HDAC8: variants seen among roughly 807,000 people sequenced by gnomAD.
HDAC8 encodes histone deacetylase-like 1.
Under a neutral mutation model 32.2 loss-of-function variants are expected in HDAC8, and 1 was observed. The observed-to-expected ratio is 0.03, with a 90% CI of 0.01 to 0.15. HDAC8 has a LOEUF of 0.15. Among genes scored for constraint, HDAC8 ranks in the 10% least tolerant of loss-of-function variants. The probability of loss-of-function intolerance (pLI) is 1.00; values close to 1 mark genes in which losing one functional copy is unlikely to be tolerated. For synonymous variants in HDAC8, 108 were observed against 113.9 expected (o/e 0.95, Z 0.33); for missense variants, 117 against 300.0 (o/e 0.39, Z 4.51).
chrX:72,542,247 A>C (rs782626382), intron 4 of HDAC8, among the ~76,000 whole-genome samples: 10 of 112,191 alleles, frequency 8.9e-5, no homozygotes, highest in South Asian at 3.7e-4. Context: ...GGGTAGAGTG[A>C]TCCAGCTGAT....
At chrX:72,449,107 G>C (rs2047501549) in intron 9 of HDAC8, among the ~76,000 whole-genome samples, 1 of 112,001 alleles carries the variant, frequency 8.9e-6, no homozygotes, top group African/African-American at 3.2e-5. Flanking sequence ...CTACTATAAA[G>C]ACACATGAAC....
At chrX:72,343,944 T>C (rs2043956777) in intron 10 of HDAC8, among the ~76,000 whole-genome samples, 1 of 113,033 alleles carries the variant, frequency 8.8e-6, no homozygotes, top group African/African-American at 3.2e-5. Flanking sequence ...GTCAGGACTT[T>C]CCATCTTTGC....
intron 9 of HDAC8, among the ~76,000 whole-genome samples, chrX:72,446,256 T>G (rs1355827382): frequency 8.9e-6 from 1 of 112,325 alleles, no homozygotes; most frequent in Non-Finnish European, 1.9e-5. Context: ...TGTGGCAATA[T>G]TCACAATAGC....
At chrX:72,447,047 C>T (rs1220621380) in intron 9 of HDAC8, among the ~76,000 whole-genome samples, 1 of 112,062 alleles carries the variant, frequency 8.9e-6, no homozygotes, top group Non-Finnish European at 1.9e-5. Flanking sequence ...TGAAACTATT[C>T]CAAACAATAG....
At chrX:72,497,723 T>C (rs1340501659) in intron 4 of HDAC8, among the ~76,000 whole-genome samples, 1 of 112,092 alleles carries the variant, frequency 8.9e-6, no homozygotes, top group Non-Finnish European at 1.9e-5. Context: ...ACAAACTTTA[T>C]TTCAACAGTA....
intron 9 of HDAC8, among the ~76,000 whole-genome samples, chrX:72,363,578 T>C (rs782819347): frequency 5.5e-4 from 61 of 111,005 alleles, no homozygotes; most frequent in Non-Finnish European, 1.1e-3. Context: ...TGAACTTTTT[T>C]TTTTTCTTTT....
In HDAC8 at chrX:72,353,989, C is replaced by G. The variant is rs782346343; in HGVS notation, c.1006-2151G>C. Among the ~76,000 whole-genome samples the G allele has an allele frequency of 8.9e-5, 10 of 111,908 alleles. No individual in the cohort carries two copies. The South Asian group carries it at 3.8e-3, about 42-fold the overall frequency. ...ACAACACGTCCTCACTTATGTGTGC[C>G]TATTATGCACTTACCCTCACTCTCC... On this transcript the variant is annotated intron_variant, in intron 9 of 10. Coordinates refer to ENST00000373573, the MANE Select transcript of HDAC8 (RefSeq NM_018486.3).
At chrX:72,479,399 A>G (rs1338210778) in intron 7 of HDAC8, among the ~76,000 whole-genome samples, 3 of 111,276 alleles carry the variant, frequency 2.7e-5, no homozygotes, top group Non-Finnish European at 5.7e-5. Context: ...TTCTTTTCAG[A>G]GCAGAGTTAT....
chrX:72,552,474 G>T (rs2051110726), intron 4 of HDAC8, among the ~76,000 whole-genome samples: 1 of 111,210 alleles, frequency 9.0e-6, no homozygotes, highest in African/African-American at 3.3e-5. Flanking sequence ...AGCCAGGCGT[G>T]GTGGCATGTG....
intron 4 of HDAC8, among the ~76,000 whole-genome samples, chrX:72,498,860 G>A (rs782258091): frequency 9.0e-6 from 1 of 111,383 alleles, no homozygotes; most frequent in East Asian, 2.8e-4. Context: ...GTTGAAATTT[G>A]ATCCCCAGTG....
At chrX:72,560,967 T>TA (rs1161193241) in intron 4 of HDAC8, among the ~76,000 whole-genome samples, 21 of 104,552 alleles carry the variant, frequency 2.0e-4, no homozygotes, top group African/African-American at 5.6e-4. Context: ...CTAATAAAAA[T>TA]AAAAAAAAAA....
intron 9 of HDAC8, among the ~76,000 whole-genome samples, chrX:72,392,808 C>T (rs1052229141): frequency 8.9e-6 from 1 of 111,886 alleles, no homozygotes; most frequent in African/African-American, 3.2e-5. Flanking sequence ...TCTACTTTTA[C>T]TGGAAATACA....
chrX:72,367,357 G>A (rs1180741493), intron 9 of HDAC8, among the ~76,000 whole-genome samples: 3 of 111,998 alleles, frequency 2.7e-5, no homozygotes, highest in Non-Finnish European at 5.6e-5. Flanking sequence ...CCAGCACTGC[G>A]ATCAGGGGCC....
chrX:72,568,290 A>G (rs782689926), intron 3 of HDAC8, among the ~76,000 whole-genome samples: 1 of 112,354 alleles, frequency 8.9e-6, no homozygotes, highest in Non-Finnish European at 1.9e-5. Flanking sequence ...GTCAGTGGTC[A>G]CACAGAGCCA....
chrX:72,486,002 G>C (rs990559349), intron 7 of HDAC8, among the ~76,000 whole-genome samples: 7 of 110,844 alleles, frequency 6.3e-5, no homozygotes, highest in Non-Finnish European at 1.3e-4. Flanking sequence ...GGCGCCTGTA[G>C]TCCCAGCTAC....
chrX:72,448,007 G>T (rs2047462023), intron 9 of HDAC8, among the ~76,000 whole-genome samples: 1 of 112,022 alleles, frequency 8.9e-6, no homozygotes, highest in South Asian at 3.7e-4. Flanking sequence ...TGGCCATACT[G>T]CCCAAAGTAA....
At chrX:72,565,668 G>T (rs2051752880) in intron 4 of HDAC8, among the ~76,000 whole-genome samples, 1 of 111,750 alleles carries the variant, frequency 8.9e-6, no homozygotes, top group African/African-American at 3.3e-5. Flanking sequence ...TAATAAACTG[G>T]ATGTCATTCA....
At chrX:72,389,703 CAA>C (rs1243226117) in intron 9 of HDAC8, among the ~76,000 whole-genome samples, 1 of 112,090 alleles carries the variant, frequency 8.9e-6, no homozygotes, top group African/African-American at 3.2e-5. Context: ...CCACAGGCTC[CAA>C]AAGAAAACAA....
intron 9 of HDAC8, among the ~76,000 whole-genome samples, chrX:72,352,601 C>G (rs1259193024): frequency 8.9e-6 from 1 of 112,015 alleles, no homozygotes; most frequent in East Asian, 2.8e-4. Flanking sequence ...ATGGCAGCTG[C>G]TTTGTTAGTT....
Sources: gnomAD v4.1 joint callset for allele counts (sites outside exome capture counted in the v4.1 genomes callset) on GRCh38, gnomAD v4.1.1 for gene constraint, MANE v1.5 for transcripts, NCBI Gene and HGNC (gene_info 2026-07-23, HGNC 2026-07-21) for gene names.